GPR176: variants seen among roughly 807,000 people sequenced by gnomAD.
GPR176 encodes G protein-coupled receptor 176, also known as G-protein coupled receptor 176.
A neutral mutation model predicts 35.4 loss-of-function variants in GPR176; 26 were observed. The observed-to-expected ratio is 0.74, with a 90% confidence interval of 0.54 to 1.02. The LOEUF (loss-of-function observed/expected upper bound fraction) is 1.02, where lower values mean the gene tolerates loss of function less well. GPR176 is among the 50% of genes least tolerant of loss of function. The pLI is 0.00. For missense variants in GPR176, 597 were observed against 665.3 expected (o/e 0.90, Z 1.13); for synonymous variants, 278 against 271.3 (o/e 1.02, Z -0.24).
At chr15:39,818,158 A>G (rs944563512) in intron 1 of GPR176, among the ~76,000 whole-genome samples, 1 of 152,176 alleles carries the variant, frequency 6.6e-6, no homozygotes, top group African/African-American at 2.4e-5. Context: ...TAAAAGTTTG[A>G]GCCTCTTCCT....
At chr15:39,829,701 C>G (rs909661523) in intron 1 of GPR176, among the ~76,000 whole-genome samples, 3 of 152,118 alleles carry the variant, frequency 2.0e-5, no homozygotes, top group Non-Finnish European at 4.4e-5. Context: ...AAATCGCAAC[C>G]TCAAGGCCAA....
In GPR176 at chr15:39,864,224, C is replaced by G. The variant is rs550398924; in HGVS notation, c.172+55631G>C. Among the ~76,000 whole-genome samples the G allele has an allele frequency of 2.6e-5, 4 of 152,230 alleles. No homozygotes were observed. The East Asian group carries it at 5.8e-4, about 22-fold the overall frequency. The stretch of plus-strand genomic sequence containing the variant: ...AGCAATGGAATAAGGCTCAGATGAA[C>G]TAACAAATGTTTGTTTCACCTATTC... On this transcript the variant is annotated intron_variant, in intron 1 of 2. Coordinates refer to ENST00000561100, the MANE Select transcript of GPR176 (RefSeq NM_007223.3).
At chr15:39,862,792 C>G (rs1367458963) in intron 1 of GPR176, among the ~76,000 whole-genome samples, 1 of 152,080 alleles carries the variant, frequency 6.6e-6, no homozygotes, top group South Asian at 2.1e-4. Flanking sequence ...TACTATGGTA[C>G]TTTTTGCTTA....
chr15:39,811,268 A>G (rs552798276), intron 1 of GPR176, among the ~76,000 whole-genome samples: 1 of 152,124 alleles, frequency 6.6e-6, no homozygotes, highest in East Asian at 1.9e-4. Flanking sequence ...GGTGCAAGTA[A>G]TCTTCCTAGC....
chr15:39,903,256 G>A (rs992578829), intron 1 of GPR176, among the ~76,000 whole-genome samples: 2 of 138,966 alleles, frequency 1.4e-5, no homozygotes, highest in African/African-American at 5.2e-5. Context: ...TACTTTATTC[G>A]AAACAAATAA....
chr15:39,920,212 G>A lies in GPR176; in HGVS notation c.-186C>T, dbSNP rs2033841787. 1 of 410,576 alleles carries A rather than the reference G, an allele frequency of 2.4e-6. No individual in the cohort carries two copies. Among genetic ancestry groups the A allele is most frequent in the Non-Finnish European group, 4.3e-6 (1 of 234,138 alleles). The allele number at this position is 410,576 out of a possible 1,614,324, so 25.4% of individuals were successfully genotyped here. On this transcript the variant is annotated 5_prime_UTR_variant, in exon 1 of 3. Transcript: ENST00000561100. ...CGCCCGGGAGGCGGGGAGGGAGGGA[G>A]GCGCGGCTGCGCCCCATGCCCACTC...
At chr15:39,823,993 G>C (rs1384626028) in intron 1 of GPR176, among the ~76,000 whole-genome samples, 1 of 152,156 alleles carries the variant, frequency 6.6e-6, no homozygotes, top group Non-Finnish European at 1.5e-5. Context: ...GTTAGAAGTG[G>C]GGCCTAGTAG....
At chr15:39,891,525 G>A (rs1365787662) in intron 1 of GPR176, among the ~76,000 whole-genome samples, 2 of 152,056 alleles carry the variant, frequency 1.3e-5, no homozygotes, top group African/African-American at 4.8e-5. Context: ...TTTTTTCAGG[G>A]ACATGGTCTC....
intron 1 of GPR176, among the ~76,000 whole-genome samples, chr15:39,877,599 T>C (rs564619968): frequency 6.6e-6 from 1 of 151,666 alleles, no homozygotes; most frequent in African/African-American, 2.4e-5. Flanking sequence ...CCTTGCTCTG[T>C]TGCCTAGGCT....
intron 1 of GPR176, among the ~76,000 whole-genome samples, chr15:39,918,145 A>T (rs906749025): frequency 3.3e-5 from 5 of 152,196 alleles, no homozygotes; most frequent in Non-Finnish European, 5.9e-5. Flanking sequence ...AAGGTTTTGC[A>T]TGTCACTCAC....
intron 1 of GPR176, among the ~76,000 whole-genome samples, chr15:39,809,076 C>T (rs1241428475): frequency 6.6e-6 from 1 of 152,228 alleles, no homozygotes; most frequent in Non-Finnish European, 1.5e-5. Flanking sequence ...TTAGCATTTA[C>T]ATGCTCATGA....
intron 1 of GPR176, among the ~76,000 whole-genome samples, chr15:39,890,327 G>A (rs1287950859): frequency 6.6e-6 from 1 of 152,134 alleles, no homozygotes; most frequent in African/African-American, 2.4e-5. Context: ...TTTTTTGCAG[G>A]TCACTATAGA....
chr15:39,860,198 G>A (rs2031503216), intron 1 of GPR176, among the ~76,000 whole-genome samples: 1 of 152,166 alleles, frequency 6.6e-6, no homozygotes, highest in African/African-American at 2.4e-5. Flanking sequence ...ATGAGAGGAT[G>A]GGCAATGCAA....
At chr15:39,915,798 T>G (rs1024269211) in intron 1 of GPR176, among the ~76,000 whole-genome samples, 3 of 152,132 alleles carry the variant, frequency 2.0e-5, no homozygotes, top group Non-Finnish European at 4.4e-5. Flanking sequence ...GGGAATTGCT[T>G]GAACCCAGGA....
Position 39,875,785 on chromosome 15 carries a change from C to G in GPR176, c.172+44070G>C, listed in dbSNP as rs2032220087. Among the ~76,000 whole-genome samples, 2 of 151,942 alleles carry G rather than the reference C, an allele frequency of 1.3e-5. 1 individual carries two copies. The highest frequency in any genetic ancestry group is 4.2e-4 in the South Asian group (2 of 4,804). On this transcript the variant is annotated intron_variant, in intron 1 of 2. Transcript: ENST00000561100. ...AAGTATGATAAAAATTTAAAATACTCCCTTTATCATCTTGCTTAACTCAAA... is the reference window on the plus strand; with the variant it reads ...AAGTATGATAAAAATTTAAAATACTGCCTTTATCATCTTGCTTAACTCAAA...
intron 1 of GPR176, among the ~76,000 whole-genome samples, chr15:39,880,626 C>A (rs903115924): frequency 2.6e-5 from 4 of 152,104 alleles, no homozygotes; most frequent in Non-Finnish European, 4.4e-5. Context: ...TTTTACCCCA[C>A]CTGCTTCTCC....
intron 1 of GPR176, among the ~76,000 whole-genome samples, chr15:39,895,278 G>A (rs1199443609): frequency 2.6e-5 from 1 of 38,030 alleles, no homozygotes; most frequent in South Asian, 1.3e-3. Context: ...GAGGGAGACC[G>A]TGGGGAGAGG....
At chr15:39,849,873 AC>A (rs1453027767) in intron 1 of GPR176, among the ~76,000 whole-genome samples, 1 of 152,168 alleles carries the variant, frequency 6.6e-6, no homozygotes, top group Non-Finnish European at 1.5e-5. Flanking sequence ...TACAGAGTAT[AC>A]TTGCACAAAC....
At chr15:39,836,059 C>T (rs1015676352) in intron 1 of GPR176, among the ~76,000 whole-genome samples, 1 of 152,212 alleles carries the variant, frequency 6.6e-6, no homozygotes, top group East Asian at 1.9e-4. Context: ...CGTGCCACTG[C>T]ACTCTAGCCT....
Sources: gnomAD v4.1 joint callset for allele counts (sites outside exome capture counted in the v4.1 genomes callset) on GRCh38, gnomAD v4.1.1 for gene constraint, MANE v1.5 for transcripts, NCBI Gene and HGNC (gene_info 2026-07-23, HGNC 2026-07-21) for gene names.